MAP3K12: variants seen among roughly 807,000 people sequenced by gnomAD.
The protein encoded by MAP3K12 is mitogen-activated protein kinase kinase kinase 12.
Under a neutral mutation model 87.5 loss-of-function variants are expected in MAP3K12, and 14 were observed. The observed-to-expected ratio is 0.16, with a 90% CI of 0.11 to 0.25. MAP3K12 has a LOEUF of 0.25. Ranked by LOEUF, MAP3K12 falls within the 10% of genes least tolerant of loss-of-function variation. The probability of loss-of-function intolerance (pLI) is 1.00; values close to 1 mark genes in which losing one functional copy is unlikely to be tolerated. For missense variants in MAP3K12, 802 were observed against 1,140.4 expected, an observed-to-expected ratio of 0.70 and a Z score of 4.27; for synonymous variants, 469 against 452.5, an observed-to-expected ratio of 1.04 and a Z score of -0.46.
chr12:53,488,956 T>A (rs993045590), intron 1 of MAP3K12, among the ~76,000 whole-genome samples: 1 of 150,636 alleles, frequency 6.6e-6, no homozygotes, highest in African/African-American at 2.4e-5. Flanking sequence ...GGTGGATGCC[T>A]GTAATCCCAG....
intron 1 of MAP3K12, chr12:53,487,662 A>C (rs1013364183): frequency 2.2e-6 from 1 of 457,732 alleles, no homozygotes; most frequent in Non-Finnish European, 3.9e-6. Context: ...ATAGGTAGAC[A>C]GGTATCGTAC....
intron 1 of MAP3K12, among the ~76,000 whole-genome samples, chr12:53,496,083 G>C (rs1490978874): frequency 6.6e-6 from 1 of 152,108 alleles, no homozygotes; most frequent in Non-Finnish European, 1.5e-5. Context: ...GGTGATAGAG[G>C]GGGTGCAGGG....
chr12:53,498,156 T>G (rs957510781), intron 1 of MAP3K12, among the ~76,000 whole-genome samples: 1 of 152,204 alleles, frequency 6.6e-6, no homozygotes, highest in African/African-American at 2.4e-5. Context: ...CACACTTTTT[T>G]TCACCTGTAA....
At position 53,484,335 on chromosome 12, in the gene MAP3K12, G is replaced by A; in HGVS notation, c.1170C>T (p.Phe390=). 6.2e-7 allele frequency: 1 copy of A among 1,614,220 alleles called. No homozygotes were observed. Among genetic ancestry groups the A allele is most frequent in the Non-Finnish European group, 8.5e-7 (1 of 1,180,032 alleles). The change falls in exon 7 of 14, where the codon TTC becomes TTT. Residue 390 remains phenylalanine (F), a synonymous_variant. Coordinates refer to ENST00000547488, the MANE Select transcript of MAP3K12 (RefSeq NM_001193511.2). ...WNSKPRNRPS[F]RQILLHLDIA... ...TGTCCAGATGCAGCAGGATCTGTCG[G>A]AATGATGGGCGATTTCGTGGTTTGC... is the stretch of plus-strand genomic sequence containing the variant.
In MAP3K12 at chr12:53,482,377, A is replaced by C. The variant is rs1433789112; in HGVS notation, c.2239-8T>G. 2 of 1,612,286 alleles carry C rather than the reference A, an allele frequency of 1.2e-6. No individual in the cohort carries two copies. Among genetic ancestry groups the C allele is most frequent in the Admixed American group, 1.7e-5 (1 of 59,920 alleles). Reference sequence around the variant, plus strand: ...CGATGAGATGCCACGTTTCTGCAGGAGAGATGGGGTGGGGGGGGTCTGATT... The same window carrying C: ...CGATGAGATGCCACGTTTCTGCAGGCGAGATGGGGTGGGGGGGGTCTGATT... On this transcript the variant is annotated splice_polypyrimidine_tract_variant and splice_region_variant and intron_variant, in intron 11 of 13. Transcript: ENST00000547488.
chr12:53,496,218 G>C (rs563537504), intron 1 of MAP3K12, among the ~76,000 whole-genome samples: 1 of 152,254 alleles, frequency 6.6e-6, no homozygotes, highest in South Asian at 2.1e-4. Context: ...GTGATTTCAG[G>C]TTCCAGTAGA....
intron 1 of MAP3K12, chr12:53,493,141 C>G (rs1317512187): frequency 6.6e-6 from 1 of 152,508 alleles, no homozygotes; most frequent in Non-Finnish European, 1.5e-5. Context: ...GCGGCGTAAC[C>G]ATGACGACTG....
At position 53,482,870 on chromosome 12, in the gene MAP3K12, CTG is replaced by C; in HGVS notation, c.1931_1932del (p.Pro644ArgfsTer30). On this transcript the variant is annotated frameshift_variant, in exon 11 of 14. Transcript: ENST00000547488. LOFTEE classifies it high-confidence loss of function. ...LLLRKMSSSS[P>X]DLLSAALGSR... The stretch of plus-strand genomic sequence containing the variant: ...GACCCTAGTGCTGCTGACAGCAGGT[CTG>C]GGGACGATGAAGACATTTTGCGGAG... 1 of 1,613,018 alleles carries C rather than the reference CTG, an allele frequency of 6.2e-7. No homozygotes were observed. Among genetic ancestry groups the C allele is most frequent in the Non-Finnish European group, 8.5e-7 (1 of 1,179,814 alleles).
At chr12:53,487,514 G>A in intron 1 of MAP3K12, 86 bp from the exon 2 acceptor site, 3 of 1,394,804 alleles carry the variant, frequency 2.2e-6, no homozygotes, top group South Asian at 2.9e-5. Flanking sequence ...CACAGACTGG[G>A]GTGCTGGGTT....
chr12:53,487,420 C>T lies in MAP3K12; in HGVS notation c.-29G>A, dbSNP rs1565888222. On this transcript the variant is annotated 5_prime_UTR_variant, in exon 2 of 14. Transcript: ENST00000547488. ...CTCTGGCCCCTGGTATGATGGTGAA[C>T]ACTGGGCCCTGTGGGAATGAAGGAA... 6.3e-7 allele frequency: 1 copy of T among 1,579,242 alleles called. No individual in the cohort carries two copies. Among genetic ancestry groups the T allele is most frequent in the Non-Finnish European group, 8.6e-7 (1 of 1,162,262 alleles).
At position 53,486,821 on chromosome 12, in the gene MAP3K12, G is replaced by C; in HGVS notation, c.445+126C>G. On this transcript the variant is annotated intron_variant, in intron 2 of 13. Transcript: ENST00000547488. The surrounding 1 kb of genome is among the most constrained non-coding windows in gnomAD (Gnocchi z 4.9). ...GAAGCTGGGAAGTTAGAGGCTGATG[G>C]ATGGCTAAGGGACTAGGGCTGGGCC... 12 of 1,515,516 alleles carry C rather than the reference G, an allele frequency of 7.9e-6. No homozygotes were observed. The highest frequency in any genetic ancestry group is 5.3e-6 in the Non-Finnish European group (6 of 1,134,994). The allele number at this position is 1,515,516 out of a possible 1,614,324, so 93.9% of individuals were successfully genotyped here. A position where few individuals can be genotyped will look rare whatever the true frequency, so the allele number is the denominator to read the frequency against.
At chr12:53,499,054 G>C (rs1943614480) in intron 1 of MAP3K12, among the ~76,000 whole-genome samples, 1 of 151,124 alleles carries the variant, frequency 6.6e-6, no homozygotes, top group Admixed American at 6.6e-5. Flanking sequence ...CCCTAGAGGG[G>C]GCCAAAACTC....
chr12:53,488,829 T>C (rs1943318924), intron 1 of MAP3K12, among the ~76,000 whole-genome samples: 1 of 151,702 alleles, frequency 6.6e-6, no homozygotes, highest in East Asian at 1.9e-4. Context: ...CCTGTAATCC[T>C]AGCACTTTGG....
chr12:53,501,255 G>A (rs2137253642), upstream of MAP3K12: 1 of 756,234 alleles, frequency 1.3e-6, no homozygotes, highest in Non-Finnish European at 2.1e-6. Context: ...GGCTCACGAA[G>A]TAGGGTGGGC....
Position 53,482,645 on chromosome 12 carries a change from C to T in MAP3K12, c.2158G>A (p.Gly720Ser), listed in dbSNP as rs774180041. 1 of 1,613,980 alleles carries T rather than the reference C, an allele frequency of 6.2e-7. No individual in the cohort carries two copies. The highest frequency in any genetic ancestry group is 8.5e-7 in the Non-Finnish European group (1 of 1,180,032). ...GACCCAGCCCGGCTTCCTCCCCGGCCTGAGGTCCCTTCCCTTCCAGTTCCC... is the reference window on the plus strand; with the variant it reads ...GACCCAGCCCGGCTTCCTCCCCGGCTTGAGGTCCCTTCCCTTCCAGTTCCC... ...LLGTGREGTS[G>S]RGGSRAGSQH... The change falls in exon 11 of 14, where the codon GGC becomes AGC. Residue 720 changes from glycine to serine, a missense_variant. Coordinates refer to ENST00000547488, the MANE Select transcript of MAP3K12 (RefSeq NM_001193511.2).
Position 53,480,709 on chromosome 12 carries a change from C to T in MAP3K12, c.*473G>A, listed in dbSNP as rs1345272308. On this transcript the variant is annotated 3_prime_UTR_variant, in exon 14 of 14. Coordinates refer to ENST00000547488, the MANE Select transcript of MAP3K12 (RefSeq NM_001193511.2). ...AATGGTGGGACAAAAAAATGAGTTA[C>T]ATTGCCACCTGAGAAACCTCAGAGG... 1 of 152,580 alleles carries T rather than the reference C, an allele frequency of 6.6e-6. No homozygotes were observed. The highest frequency in any genetic ancestry group is 1.9e-4 in the East Asian group (1 of 5,192). 9.5% of individuals were successfully genotyped at this position (152,580 alleles called of 1,614,324 possible). A position where few individuals can be genotyped will look rare whatever the true frequency, so the allele number is the denominator to read the frequency against.
Position 53,480,536 on chromosome 12 carries a change from T to C in MAP3K12, c.*646A>G, listed in dbSNP as rs1942980914. 1 of 152,602 alleles carries C rather than the reference T, an allele frequency of 6.6e-6. No homozygotes were observed. The allele number at this position is 152,602 out of a possible 1,614,324, so 9.5% of individuals were successfully genotyped here. ...ATATTTCAAGGTTTTTCACAGGGGT[T>C]ACAGTAGGACAGTCCCCACCCCAAT... On this transcript the variant is annotated 3_prime_UTR_variant, in exon 14 of 14. Transcript: ENST00000547488.
At chr12:53,484,074 G>T (rs1272892941) in intron 7 of MAP3K12, 54 bp from the exon 8 acceptor site, 4 of 1,568,602 alleles carry the variant, frequency 2.6e-6, no homozygotes, top group African/African-American at 1.4e-5. Context: ...CCAGTGAAAG[G>T]CTCTGCAGGT....
upstream of MAP3K12, chr12:53,501,345 C>T (rs544243086): frequency 1.0e-4 from 159 of 1,539,594 alleles, no homozygotes; most frequent in South Asian, 1.8e-3. Context: ...CCTAGCTCGT[C>T]GGCTGTGTAT....
Sources: allele counts gnomAD v4.1 joint callset (sites outside exome capture counted in the v4.1 genomes callset), GRCh38; gene constraint gnomAD v4.1.1; non-coding constraint Gnocchi (gnomAD v3.1); transcripts MANE v1.5; gene names NCBI Gene and HGNC (gene_info 2026-07-23, HGNC 2026-07-21).